Variants in MAN2A1 observed in about 807,000 individuals in gnomAD.
MAN2A1 encodes alpha-mannosidase 2.
In MAN2A1, 76 loss-of-function variants were observed where a neutral mutation model predicts 142.6. The ratio of observed to expected loss-of-function variants is 0.53; its 90% CI spans 0.44 to 0.65. The LOEUF is 0.65. MAN2A1 is among the 30% of genes least tolerant of loss of function. The probability of loss-of-function intolerance (pLI) is 0.00; values close to 1 mark genes in which losing one functional copy is unlikely to be tolerated. For missense variants in MAN2A1, 1,311 were observed against 1,365.1 expected, an observed-to-expected ratio of 0.96 and a Z score of 0.62; for synonymous variants, 559 against 473.2, an observed-to-expected ratio of 1.18 and a Z score of -2.35.
chr5:109,761,204 A>G (rs1404336283), intron 5 of MAN2A1, among the ~76,000 whole-genome samples: 2 of 151,412 alleles, frequency 1.3e-5, no homozygotes, highest in Non-Finnish European at 3.0e-5. Flanking sequence ...ATCTTTTTAA[A>G]TACTTATAGT....
chr5:109,697,394 G>A (rs1035261396), intron 1 of MAN2A1, among the ~76,000 whole-genome samples: 7 of 152,118 alleles, frequency 4.6e-5, no homozygotes, highest in African/African-American at 9.7e-5. Flanking sequence ...CATTTTTTAC[G>A]AAAGTGGGGT....
chr5:109,855,357 T>C (rs969300439), intron 20 of MAN2A1, 23 bp downstream of exon 20: 3 of 1,433,700 alleles, frequency 2.1e-6, no homozygotes, highest in Admixed American at 2.4e-5. Flanking sequence ...ATATATCTTA[T>C]AAAAAATTAC....
chr5:109,856,008 A>G lies in MAN2A1; in HGVS notation c.3171+674A>G, dbSNP rs180935737. 1.2e-4 allele frequency among the ~76,000 whole-genome samples: 19 copies of G among 152,272 alleles called. No individual in the cohort carries two copies. In the East Asian group the frequency reaches 2.5e-3, roughly 20 times the overall value. On this transcript the variant is annotated intron_variant, in intron 20 of 21. Transcript: ENST00000261483. ...TTCTGTGGAAAATATCTCATGGTAA[A>G]TGGCCTAAGTATGAAAAGAAGAGGA...
At chr5:109,726,320 A>G (rs1254289312) in intron 3 of MAN2A1, among the ~76,000 whole-genome samples, 3 of 152,238 alleles carry the variant, frequency 2.0e-5, no homozygotes, top group Non-Finnish European at 4.4e-5. Flanking sequence ...TTAGAAAACG[A>G]AAGAACCAAT....
intron 16 of MAN2A1, among the ~76,000 whole-genome samples, chr5:109,831,096 A>G (rs1169514878): frequency 2.0e-5 from 3 of 152,246 alleles, no homozygotes; most frequent in East Asian, 1.9e-4. Flanking sequence ...TCCCAGGCCC[A>G]TCCTAGGTCT....
intron 16 of MAN2A1, among the ~76,000 whole-genome samples, chr5:109,831,149 C>G (rs1016493922): frequency 3.3e-5 from 5 of 152,330 alleles, no homozygotes; most frequent in South Asian, 4.1e-4. Flanking sequence ...TACTGCCAAC[C>G]TGGCTTTGGT....
intron 3 of MAN2A1, among the ~76,000 whole-genome samples, chr5:109,725,193 T>C (rs978722425): frequency 6.6e-6 from 1 of 152,198 alleles, no homozygotes; most frequent in Non-Finnish European, 1.5e-5. Flanking sequence ...GAAAAATAGG[T>C]CTTCTCCTCT....
intron 3 of MAN2A1, among the ~76,000 whole-genome samples, chr5:109,717,627 C>T (rs1751491540): frequency 6.6e-6 from 1 of 152,116 alleles, no homozygotes; most frequent in African/African-American, 2.4e-5. Context: ...TTAGCCTGTA[C>T]CTTTTAAATC....
intron 8 of MAN2A1, among the ~76,000 whole-genome samples, chr5:109,776,870 C>G (rs1439138488): frequency 6.6e-6 from 1 of 152,130 alleles, no homozygotes; most frequent in Non-Finnish European, 1.5e-5. Flanking sequence ...CTGGCTTTTT[C>G]TTTTCACATT....
chr5:109,753,630 G>A (rs1010947238), intron 4 of MAN2A1, among the ~76,000 whole-genome samples: 1 of 152,158 alleles, frequency 6.6e-6, no homozygotes, highest in Admixed American at 6.5e-5. Flanking sequence ...CTGGTTATAT[G>A]ATCATGCATA....
chr5:109,861,268 A>G (rs1386067395), intron 20 of MAN2A1, among the ~76,000 whole-genome samples: 1 of 152,214 alleles, frequency 6.6e-6, no homozygotes, highest in Non-Finnish European at 1.5e-5. Context: ...AGTAAGCCCT[A>G]TGAGTGCTTG....
intron 4 of MAN2A1, among the ~76,000 whole-genome samples, chr5:109,745,109 G>A (rs1300373670): frequency 6.6e-6 from 1 of 152,076 alleles, no homozygotes; most frequent in African/African-American, 2.4e-5. Flanking sequence ...CAGGGTGAGT[G>A]GGCGAGCATG....
chr5:109,726,880 G>A (rs1751759527), intron 3 of MAN2A1, among the ~76,000 whole-genome samples: 1 of 152,078 alleles, frequency 6.6e-6, no homozygotes, highest in Non-Finnish European at 1.5e-5. Flanking sequence ...GAATTAGTTT[G>A]AACCTTTAAA....
At chr5:109,820,437 T>G (rs1046399421) in intron 15 of MAN2A1, 95 bp downstream of exon 15, 2 of 1,248,352 alleles carry the variant, frequency 1.6e-6, no homozygotes, top group Non-Finnish European at 2.2e-6. Context: ...TATCATCTGT[T>G]GATTTATTAG....
intron 4 of MAN2A1, among the ~76,000 whole-genome samples, chr5:109,737,085 G>A (rs1322266205): frequency 1.5e-5 from 2 of 134,874 alleles, no homozygotes; most frequent in Admixed American, 7.9e-5. Flanking sequence ...AATATGGACT[G>A]TATACTCTTT....
At chr5:109,804,550 T>A (rs17162274) in intron 12 of MAN2A1, among the ~76,000 whole-genome samples, 8,427 of 152,212 alleles carry the variant, frequency 0.055, 235 homozygotes, top group Non-Finnish European at 0.064. Context: ...CTGTGAGTGA[T>A]GTTTTCTCTA....
At chr5:109,822,782 A>G (rs980882581) in intron 15 of MAN2A1, among the ~76,000 whole-genome samples, 3 of 151,656 alleles carry the variant, frequency 2.0e-5, no homozygotes, top group Non-Finnish European at 2.9e-5. Flanking sequence ...GGTTCACGCC[A>G]TTTTCCTGCC....
rs1172616610 is a variant in MAN2A1 at position 109,849,284 on chromosome 5, C to CAT, written c.2976+1497_2976+1498dup. 4.6e-5 allele frequency among the ~76,000 whole-genome samples: 7 copies of CAT among 152,294 alleles called. No homozygotes were observed. In the East Asian group the frequency reaches 1.2e-3, roughly 25 times the overall value. On this transcript the variant is annotated intron_variant, in intron 19 of 21. Transcript: ENST00000261483. ...TCCACACAGGTAGAAGCCACTAATA[C>CAT]ATATCTCCAACTTAGGCTTGTGTCT...
intron 5 of MAN2A1, among the ~76,000 whole-genome samples, chr5:109,760,333 A>G (rs1343771775): frequency 1.3e-5 from 2 of 152,192 alleles, no homozygotes; most frequent in African/African-American, 2.4e-5. Context: ...TTATGGCTGC[A>G]TAATATTCCA....
Sources: gnomAD v4.1 joint callset for allele counts (sites outside exome capture counted in the v4.1 genomes callset) on GRCh38, gnomAD v4.1.1 for gene constraint, MANE v1.5 for transcripts, NCBI Gene and HGNC (gene_info 2026-07-23, HGNC 2026-07-21) for gene names.